The following DYNC1H1 variants were observed in gnomAD, a reference collection of about 807,000 sequenced individuals.
The protein encoded by DYNC1H1 is dynein cytoplasmic 1 heavy chain 1.
Under a neutral mutation model 527.1 loss-of-function variants are expected in DYNC1H1, and 51 were observed. That is an observed-to-expected ratio of 0.10 (90% confidence interval 0.08 to 0.12). DYNC1H1 has a LOEUF of 0.12. DYNC1H1 is among the 10% of genes least tolerant of loss of function. The pLI, the probability that DYNC1H1 is intolerant of heterozygous loss-of-function variation, is 1.00. For synonymous variants in DYNC1H1, 2,189 were observed against 2,278.8 expected (o/e 0.96, Z 1.12); for missense variants, 2,771 against 5,971.8 (o/e 0.46, Z 17.66).
chr14:102,046,394 T>A (rs2048719089), intron 72 of DYNC1H1, among the ~76,000 whole-genome samples: 1 of 152,120 alleles, frequency 6.6e-6, no homozygotes, highest in Admixed American at 6.5e-5. Context: ...CACAGCTGGT[T>A]AACAGGACAG....
chr14:102,025,370 A>C (rs1246183048), intron 43 of DYNC1H1, among the ~76,000 whole-genome samples: 6 of 150,978 alleles, frequency 4.0e-5, no homozygotes. Flanking sequence ...GCGCCATTGC[A>C]CTCTAGCCTG....
rs1489025341 is a variant in DYNC1H1, at chr14:102,012,967, A to G, written c.7014+497A>G. ...TACAGCAGTAAGAAAGCAAGAAGAC[A>G]GGCCGGGCGCGGTGGCTCACGCCTG... On this transcript the variant is annotated intron_variant, in intron 34 of 77. Coordinates refer to ENST00000360184, the MANE Select transcript of DYNC1H1 (RefSeq NM_001376.5). The surrounding 1 kb of genome is among the most constrained non-coding windows in gnomAD (Gnocchi z 4.9). The G allele has an allele frequency of 1.0e-5, 2 of 195,216 alleles. No homozygotes were observed. The highest frequency in any genetic ancestry group is 2.5e-4 in the East Asian group (2 of 7,952). The allele number at this position is 195,216 out of a possible 1,614,324, so 12.1% of individuals were successfully genotyped here.
chr14:102,026,068 T>A (rs1331790889), intron 43 of DYNC1H1, among the ~76,000 whole-genome samples: 4 of 148,620 alleles, frequency 2.7e-5, no homozygotes, highest in African/African-American at 5.0e-5. Flanking sequence ...TGAGCTGAGA[T>A]CGTGCCACAG....
chr14:101,964,592 G>C lies in DYNC1H1; in HGVS notation c.-100G>C, dbSNP rs1346390242. 6.6e-7 allele frequency: 1 copy of C among 1,525,766 alleles called. No homozygotes were observed. Among genetic ancestry groups the C allele is most frequent in the Non-Finnish European group, 8.8e-7 (1 of 1,141,700 alleles). 94.5% of individuals were successfully genotyped at this position (1,525,766 alleles called of 1,614,324 possible). A position where few individuals can be genotyped will look rare whatever the true frequency, so the allele number is the denominator to read the frequency against. On this transcript the variant is annotated 5_prime_UTR_variant, in exon 1 of 78. Transcript: ENST00000360184. The surrounding 1 kb of genome is among the most constrained non-coding windows in gnomAD (Gnocchi z 5.5). Reference sequence around the variant, plus strand: ...CTCCTCAGTCTGCGGTGGGCTAGCGGACGGTCCGGCTTCCGGCGGCCGTTT... The same window carrying C: ...CTCCTCAGTCTGCGGTGGGCTAGCGCACGGTCCGGCTTCCGGCGGCCGTTT...
chr14:101,970,467 G>GTTTTTT (rs1369451236), intron 1 of DYNC1H1, among the ~76,000 whole-genome samples: 5 of 103,572 alleles, frequency 4.8e-5, no homozygotes, highest in African/African-American at 1.0e-4. Flanking sequence ...TGTTTGGTTT[G>GTTTTTT]TTGTTGTTTT....
intron 63 of DYNC1H1, 32 bp downstream of exon 63, chr14:102,040,442 A>G (rs780306264): frequency 1.2e-6 from 2 of 1,614,068 alleles, no homozygotes; most frequent in Admixed American, 3.3e-5. Flanking sequence ...CCCAGTAGGT[A>G]AATGTTGGCC....
In DYNC1H1 at chr14:101,965,359, C is replaced by T. The variant is rs531388536; in HGVS notation, c.256+412C>T. On this transcript the variant is annotated intron_variant, in intron 1 of 77. Transcript: ENST00000360184. The surrounding 1 kb of genome is among the most constrained non-coding windows in gnomAD (Gnocchi z 4.1). ...AGAGCGGGCGAGGCCGCATCCCTGC[C>T]TCCAGTGTCACATGAGCTTTTCGGT... Among the ~76,000 whole-genome samples, 13 of 152,364 alleles carry T rather than the reference C, an allele frequency of 8.5e-5. No individual in the cohort carries two copies. The highest frequency in any genetic ancestry group is 4.1e-4 in the South Asian group (2 of 4,832).
At chr14:102,007,817 C>A (rs1281811151) in intron 28 of DYNC1H1, among the ~76,000 whole-genome samples, 1 of 152,202 alleles carries the variant, frequency 6.6e-6, no homozygotes, top group Non-Finnish European at 1.5e-5. Flanking sequence ...AAATGTATTT[C>A]CTCACAGTTC....
rs901415172 is a variant in DYNC1H1, at chr14:102,004,114, G to C, written c.4884-404G>C. 2.8e-4 allele frequency among the ~76,000 whole-genome samples: 43 copies of C among 151,700 alleles called. 1 individual carries two copies. Among genetic ancestry groups the C allele is most frequent in the Non-Finnish European group, 1.2e-4 (8 of 67,960 alleles). On this transcript the variant is annotated intron_variant, in intron 23 of 77. Transcript: ENST00000360184. ...AAAAAATTAGCCGGGCGTGGTGGTG[G>C]GCGCCTGTAGTCCCAGCTACTTAGG...
rs1338041893 is a variant in DYNC1H1 at position 102,050,479 on chromosome 14, C to T, written c.13857C>T (p.Ile4619=). Residue 4619 remains isoleucine, a synonymous_variant, in exon 78 of 78, where the codon ATC becomes ATT. Coordinates refer to ENST00000360184, the MANE Select transcript of DYNC1H1 (RefSeq NM_001376.5). The part of the protein sequence containing the change: ...VYLNFTRADL[I]FTVDFEIATK... Reference sequence around the variant, plus strand: ...TGAACTTCACCCGTGCAGACCTCATCTTCACCGTGGACTTCGAAATTGCTA... The same window carrying T: ...TGAACTTCACCCGTGCAGACCTCATTTTCACCGTGGACTTCGAAATTGCTA... 1.2e-6 allele frequency: 2 copies of T among 1,614,140 alleles called. No homozygotes were observed. The highest frequency in any genetic ancestry group is 1.1e-5 in the South Asian group (1 of 91,088).
chr14:102,030,387 G>T (rs1208348235), intron 51 of DYNC1H1, 105 bp downstream of exon 51: 38 of 1,564,456 alleles, frequency 2.4e-5, no homozygotes, highest in Non-Finnish European at 6.1e-6. Context: ...TCCCTCAAAG[G>T]TTCTGGTTTC....
Position 102,042,603 on chromosome 14 carries a change from C to A in DYNC1H1, c.12400-32C>A, listed in dbSNP as rs1360159213. On this transcript the variant is annotated intron_variant, in intron 68 of 77. Transcript: ENST00000360184. The surrounding 1 kb of genome is among the most constrained non-coding windows in gnomAD (Gnocchi z 5.7). ...ATTGAACAGGCGCCCTCATCCACAC[C>A]CGAGCATAACTGGAACGGCGCTCTC... 6.2e-7 allele frequency: 1 copy of A among 1,613,832 alleles called. No homozygotes were observed. Among genetic ancestry groups the A allele is most frequent in the African/African-American group, 1.3e-5 (1 of 74,918 alleles).
Position 102,039,224 on chromosome 14 carries a change from C to T in DYNC1H1, c.11430C>T (p.Ser3810=), listed in dbSNP as rs746492866. 1.2e-6 allele frequency: 2 copies of T among 1,613,946 alleles called. No individual in the cohort carries two copies. Among genetic ancestry groups the T allele is most frequent in the Admixed American group, 3.3e-5 (2 of 60,028 alleles). The change falls in exon 60 of 78, where the codon AGC becomes AGT. Residue 3810 remains serine, a synonymous_variant. Transcript: ENST00000360184. The surrounding 1 kb of genome is among the most constrained non-coding windows in gnomAD (Gnocchi z 7.0). ...TCCCGCTCTCCACCGCCTGCAGCAG[C>T]ATCTACTTCACCATGGAGTCCCTCA... The part of the protein sequence containing the change: ...QYLPLSTACS[S]IYFTMESLKQ...
chr14:101,968,922 A>T (rs941400389), intron 1 of DYNC1H1, among the ~76,000 whole-genome samples: 3 of 152,158 alleles, frequency 2.0e-5, no homozygotes, highest in Admixed American at 6.6e-5. Flanking sequence ...AATCTCCAAC[A>T]CAACATATCA....
chr14:102,046,850 G>A (rs1297949670), intron 72 of DYNC1H1, among the ~76,000 whole-genome samples: 1 of 151,486 alleles, frequency 6.6e-6, no homozygotes, highest in Non-Finnish European at 1.5e-5. Context: ...TCAGACTGGA[G>A]TGCAGTGGTG....
chr14:101,991,035 T>G (rs918429894), intron 10 of DYNC1H1, among the ~76,000 whole-genome samples: 1 of 149,306 alleles, frequency 6.7e-6, no homozygotes, highest in African/African-American at 2.5e-5. Context: ...ATACAAAAAT[T>G]AACTGGGCAT....
chr14:102,046,167 C>CAAA (rs749507372), intron 72 of DYNC1H1, among the ~76,000 whole-genome samples: 1 of 119,586 alleles, frequency 8.4e-6, no homozygotes, highest in Non-Finnish European at 1.8e-5. Flanking sequence ...GACTTTGTCT[C>CAAA]AAAAAAAAAA....
intron 8 of DYNC1H1, 96 bp from the exon 9 acceptor site, chr14:101,987,357 A>G: frequency 7.4e-7 from 1 of 1,349,738 alleles, no homozygotes; most frequent in East Asian, 2.5e-5. Flanking sequence ...TGCCTGGAGC[A>G]TTTGTCAATG....
At chr14:102,004,069 G>C (rs972599953) in intron 23 of DYNC1H1, among the ~76,000 whole-genome samples, 1 of 151,646 alleles carries the variant, frequency 6.6e-6, no homozygotes, top group Non-Finnish European at 1.5e-5. Context: ...GTGAAACCCC[G>C]TCTCTACTAA....
Sources: allele counts gnomAD v4.1 joint callset (sites outside exome capture counted in the v4.1 genomes callset), GRCh38; gene constraint gnomAD v4.1.1; non-coding constraint Gnocchi (gnomAD v3.1); transcripts MANE v1.5; gene names NCBI Gene and HGNC (gene_info 2026-07-23, HGNC 2026-07-21).